The following GABBR2 variants were observed in gnomAD, a reference collection of about 807,000 sequenced individuals.
GABBR2 encodes G-protein coupled receptor 51.
Under a neutral mutation model 105.6 loss-of-function variants are expected in GABBR2, and 23 were observed. The ratio of observed to expected loss-of-function variants is 0.22; its 90% CI spans 0.16 to 0.31. The LOEUF (loss-of-function observed/expected upper bound fraction) is 0.31, where lower values mean the gene tolerates loss of function less well. Among genes scored for constraint, GABBR2 ranks in the 10% least tolerant of loss-of-function variants. The pLI, the probability that GABBR2 is intolerant of heterozygous loss-of-function variation, is 1.00. For missense variants in GABBR2, 734 were observed against 1,245.5 expected (o/e 0.59, Z 6.18); for synonymous variants, 478 against 499.7 (o/e 0.96, Z 0.58).
chr9:98,573,856 T>C (rs572616864), intron 2 of GABBR2, among the ~76,000 whole-genome samples: 1 of 152,366 alleles, frequency 6.6e-6, no homozygotes, highest in Admixed American at 6.5e-5. Context: ...ACTACATCTA[T>C]ATCTATGCTT....
intron 1 of GABBR2, chr9:98,606,912 G>T: frequency 1.6e-6 from 1 of 640,158 alleles, no homozygotes; most frequent in East Asian, 2.8e-5. Context: ...TGAATTCCTA[G>T]GCATTCAGAC....
chr9:98,322,160 G>A (rs1372062911), intron 13 of GABBR2, among the ~76,000 whole-genome samples: 1 of 151,796 alleles, frequency 6.6e-6, no homozygotes, highest in Admixed American at 6.6e-5. Context: ...GGCCCAGAGG[G>A]GGCACCAGGG....
rs1826293137 is a variant in GABBR2 at position 98,454,579 on chromosome 9, C to T, written c.1000-362G>A. 6.6e-6 allele frequency among the ~76,000 whole-genome samples: 1 copy of T among 152,182 alleles called. No individual in the cohort carries two copies. Among genetic ancestry groups the T allele is most frequent in the South Asian group, 2.1e-4 (1 of 4,822 alleles). On this transcript the variant is annotated intron_variant, in intron 6 of 18. Coordinates refer to ENST00000259455, the MANE Select transcript of GABBR2 (RefSeq NM_005458.8). This position sits in a 1 kb window ranked among gnomAD's most constrained non-coding sequence, Gnocchi z 4.6. ...CTGGGGTGAGGTAGAGGCCCATATC[C>T]CGTATGTCTAAATGTTAAAGTTATA...
intron 7 of GABBR2, among the ~76,000 whole-genome samples, chr9:98,419,008 T>C (rs1162904423): frequency 6.6e-6 from 1 of 152,246 alleles, no homozygotes; most frequent in African/African-American, 2.4e-5. Context: ...GAAAACCAAA[T>C]TGCTGACCAG....
At chr9:98,681,594 T>G (rs1012005798) in intron 1 of GABBR2, among the ~76,000 whole-genome samples, 2 of 150,614 alleles carry the variant, frequency 1.3e-5, no homozygotes, top group Admixed American at 1.3e-4. Flanking sequence ...AAAAAAAAAT[T>G]TAAAAAGATA....
At chr9:98,323,033 G>A (rs536300535) in intron 13 of GABBR2, among the ~76,000 whole-genome samples, 20 of 152,002 alleles carry the variant, frequency 1.3e-4, no homozygotes, top group African/African-American at 2.7e-4. Context: ...AGACACGAGC[G>A]CCAGCACCAC....
intron 13 of GABBR2, among the ~76,000 whole-genome samples, chr9:98,336,369 G>A (rs80043880): frequency 0.042 from 6,342 of 152,270 alleles, 162 homozygotes; most frequent in Middle Eastern, 0.044. Flanking sequence ...ATTTTAAATT[G>A]GAGAATTTTA....
intron 1 of GABBR2, among the ~76,000 whole-genome samples, chr9:98,628,192 T>G (rs1829771899): frequency 6.6e-6 from 1 of 152,220 alleles, no homozygotes; most frequent in Non-Finnish European, 1.5e-5. Context: ...CGTTTACATT[T>G]TAGCTCATTT....
intron 12 of GABBR2, 35 bp from the exon 13 acceptor site, chr9:98,362,872 TGA>T: frequency 1.4e-6 from 2 of 1,467,224 alleles, no homozygotes; most frequent in Non-Finnish European, 1.8e-6. Flanking sequence ...GGAGCCGATG[TGA>T]GAGACAGCTT....
At position 98,686,779 on chromosome 9, in the gene GABBR2, C is replaced by T. The variant is rs536941470; in HGVS notation, c.321+21638G>A. ...AAACCCTGCCCCTTGTCCAGGACTC[C>T]CAGCTCAGTCAGTGAAGGGTCCACC... On this transcript the variant is annotated intron_variant, in intron 1 of 18. Transcript: ENST00000259455. Among the ~76,000 whole-genome samples, 26 of 152,236 alleles carry T rather than the reference C, an allele frequency of 1.7e-4. No homozygotes were observed. In the South Asian group the frequency reaches 5.4e-3, roughly 32 times the overall value.
At chr9:98,506,446 G>A (rs754515834) in intron 3 of GABBR2, among the ~76,000 whole-genome samples, 1 of 152,190 alleles carries the variant, frequency 6.6e-6, no homozygotes, top group Non-Finnish European at 1.5e-5. Context: ...GATGGAGGAG[G>A]TTAATATTCC....
chr9:98,690,226 A>T (rs899881068), intron 1 of GABBR2, among the ~76,000 whole-genome samples: 3 of 152,176 alleles, frequency 2.0e-5, no homozygotes, highest in African/African-American at 7.2e-5. Flanking sequence ...AGGTTGGAGC[A>T]GGTGCCTTTC....
intron 1 of GABBR2, among the ~76,000 whole-genome samples, chr9:98,674,095 T>C (rs73489952): frequency 6.6e-6 from 1 of 151,998 alleles, no homozygotes; most frequent in African/African-American, 2.4e-5. Context: ...CATCATCATC[T>C]AGAGAGGGAA....
intron 8 of GABBR2, among the ~76,000 whole-genome samples, 192 bp downstream of exon 8, chr9:98,405,889 A>G (rs1305409566): frequency 6.7e-6 from 1 of 150,100 alleles, no homozygotes; most frequent in Non-Finnish European, 1.5e-5. Context: ...AGGGCTGATC[A>G]TGATGCGGCT....
intron 13 of GABBR2, among the ~76,000 whole-genome samples, chr9:98,357,859 T>C (rs976042853): frequency 1.3e-5 from 2 of 152,204 alleles, no homozygotes; most frequent in African/African-American, 4.8e-5. Flanking sequence ...ATTGCCTTCT[T>C]CTTTTTTTAA....
At chr9:98,532,846 A>T (rs1828093115) in intron 3 of GABBR2, among the ~76,000 whole-genome samples, 1 of 152,156 alleles carries the variant, frequency 6.6e-6, no homozygotes, top group South Asian at 2.1e-4. Context: ...CAACTCAGGA[A>T]AAAATTCTCC....
chr9:98,609,479 A>G (rs1829475392), intron 1 of GABBR2, among the ~76,000 whole-genome samples: 1 of 152,128 alleles, frequency 6.6e-6, no homozygotes, highest in African/African-American at 2.4e-5. Context: ...AGGAGTGGGA[A>G]TGGTCTCCTG....
At chr9:98,620,247 T>TTC (rs112127893) in intron 1 of GABBR2, among the ~76,000 whole-genome samples, 1,626 of 146,102 alleles carry the variant, frequency 0.011, 14 homozygotes, top group Non-Finnish European at 0.015. Flanking sequence ...TTTTCTCTCT[T>TTC]TCTCTCTCTC....
At chr9:98,320,052 G>C (rs536846841) in intron 13 of GABBR2, among the ~76,000 whole-genome samples, 122 of 152,034 alleles carry the variant, frequency 8.0e-4, no homozygotes, top group African/African-American at 2.8e-3. Flanking sequence ...CCTACAAAAT[G>C]GGAGAAAATT....
Sources: allele counts gnomAD v4.1 joint callset (sites outside exome capture counted in the v4.1 genomes callset), GRCh38; gene constraint gnomAD v4.1.1; non-coding constraint Gnocchi (gnomAD v3.1); transcripts MANE v1.5; gene names NCBI Gene and HGNC (gene_info 2026-07-23, HGNC 2026-07-21).